The following SEMA6D variants were observed in gnomAD, a reference collection of about 807,000 sequenced individuals.
SEMA6D encodes semaphorin 6D.
SEMA6D carries 35 observed loss-of-function variants against 106.6 expected under a neutral mutation model. The observed-to-expected ratio is 0.33, with a 90% confidence interval of 0.25 to 0.44. The LOEUF is 0.44. Ranked by LOEUF, SEMA6D falls within the 20% of genes least tolerant of loss-of-function variation. SEMA6D has a pLI of 1.00. For synonymous variants in SEMA6D, 499 were observed against 487.7 expected (o/e 1.02, Z -0.31); for missense variants, 1,185 against 1,345.9 (o/e 0.88, Z 1.87).
intron 3 of SEMA6D, among the ~76,000 whole-genome samples, chr15:47,472,960 A>G (rs2042895991): frequency 6.6e-6 from 1 of 152,206 alleles, no homozygotes; most frequent in Non-Finnish European, 1.5e-5. Context: ...GACAGTGCCA[A>G]TGTTTTGTGT....
chr15:47,491,675 A>G (rs922008121), intron 3 of SEMA6D, among the ~76,000 whole-genome samples: 10 of 152,166 alleles, frequency 6.6e-5, no homozygotes, highest in Non-Finnish European at 1.5e-4. Flanking sequence ...AAAGAGAGCT[A>G]TGCATATAAC....
At chr15:47,627,685 G>C (rs762334999) in intron 4 of SEMA6D, among the ~76,000 whole-genome samples, 7 of 152,028 alleles carry the variant, frequency 4.6e-5, no homozygotes, top group Non-Finnish European at 8.8e-5. Context: ...ATAGTGTAGA[G>C]ATATCTCCTG....
intron 1 of SEMA6D, among the ~76,000 whole-genome samples, chr15:47,251,992 T>C (rs2033542889): frequency 7.3e-6 from 1 of 136,086 alleles, no homozygotes; most frequent in Non-Finnish European, 1.5e-5. Flanking sequence ...CTCGGCTCAC[T>C]GCAAGCTCCG....
chr15:47,655,335 C>T (rs890067880), intron 4 of SEMA6D, among the ~76,000 whole-genome samples: 1 of 152,188 alleles, frequency 6.6e-6, no homozygotes, highest in Non-Finnish European at 1.5e-5. Flanking sequence ...TTTTTAACTT[C>T]CCAGGGATTT....
intron 3 of SEMA6D, among the ~76,000 whole-genome samples, chr15:47,475,927 C>T (rs1596095946): frequency 6.6e-6 from 1 of 152,132 alleles, no homozygotes; most frequent in African/African-American, 2.4e-5. Flanking sequence ...GAGCAATTTC[C>T]TTGAGTTGTC....
At chr15:47,667,073 C>T (rs770109136) in intron 4 of SEMA6D, among the ~76,000 whole-genome samples, 41 of 152,172 alleles carry the variant, frequency 2.7e-4, no homozygotes, top group Non-Finnish European at 5.0e-4. Flanking sequence ...CCAACCCATT[C>T]CGTCAGCCTC....
intron 1 of SEMA6D, among the ~76,000 whole-genome samples, chr15:47,217,512 G>A (rs114398472): frequency 6.6e-6 from 1 of 151,862 alleles, no homozygotes; most frequent in Non-Finnish European, 1.5e-5. Flanking sequence ...TGTTGGTGCT[G>A]ATGTAGAAAG....
At chr15:47,552,904 A>ATT (rs2045797505) in intron 3 of SEMA6D, among the ~76,000 whole-genome samples, 3 of 36,004 alleles carry the variant, frequency 8.3e-5, no homozygotes, top group East Asian at 6.8e-4. Flanking sequence ...ATATATATAT[A>ATT]TAAATATATA....
At chr15:47,472,558 A>G (rs2042883562) in intron 3 of SEMA6D, among the ~76,000 whole-genome samples, 1 of 152,210 alleles carries the variant, frequency 6.6e-6, no homozygotes, top group African/African-American at 2.4e-5. Flanking sequence ...GAGAACTGGT[A>G]TCAAATCTTG....
chr15:47,627,546 C>T (rs866364398), intron 4 of SEMA6D, among the ~76,000 whole-genome samples: 5 of 151,990 alleles, frequency 3.3e-5, no homozygotes, highest in Non-Finnish European at 7.4e-5. Flanking sequence ...TGCTATAGTA[C>T]GTGAAAAGCA....
At chr15:47,481,037 G>T (rs577165740) in intron 3 of SEMA6D, among the ~76,000 whole-genome samples, 2 of 152,186 alleles carry the variant, frequency 1.3e-5, no homozygotes, top group South Asian at 4.2e-4. Context: ...TCCACTATTA[G>T]ATTAAAAGCA....
chr15:47,559,443 C>G (rs1034961603), intron 3 of SEMA6D, among the ~76,000 whole-genome samples: 1 of 152,120 alleles, frequency 6.6e-6, no homozygotes, highest in African/African-American at 2.4e-5. Context: ...GCTCCCATCT[C>G]CCTCTCAGCT....
intron 1 of SEMA6D, among the ~76,000 whole-genome samples, chr15:47,332,732 C>T (rs2037391634): frequency 6.6e-6 from 1 of 152,136 alleles, no homozygotes; most frequent in Non-Finnish European, 1.5e-5. Context: ...GCCTTATCTG[C>T]CAGATTAGCC....
At chr15:47,569,325 C>G (rs1290173738) in intron 3 of SEMA6D, among the ~76,000 whole-genome samples, 2 of 152,198 alleles carry the variant, frequency 1.3e-5, no homozygotes, top group Non-Finnish European at 2.9e-5. Flanking sequence ...GCCCTGCCCT[C>G]TGTCCTCTAG....
At chr15:47,622,795 C>A (rs1458555026) in intron 4 of SEMA6D, among the ~76,000 whole-genome samples, 2 of 152,092 alleles carry the variant, frequency 1.3e-5, no homozygotes, top group African/African-American at 4.8e-5. Flanking sequence ...CTTTCAAAGG[C>A]GTGCAGGGGT....
intron 18 of SEMA6D, among the ~76,000 whole-genome samples, 177 bp from the exon 19 acceptor site, chr15:47,770,320 C>G (rs2082562835): frequency 6.6e-6 from 1 of 152,106 alleles, no homozygotes; most frequent in African/African-American, 2.4e-5. Context: ...CTGTATGTCT[C>G]TGGGGATCCT....
intron 4 of SEMA6D, among the ~76,000 whole-genome samples, chr15:47,624,569 T>C (rs1011312390): frequency 6.6e-6 from 1 of 152,158 alleles, no homozygotes; most frequent in Non-Finnish European, 1.5e-5. Flanking sequence ...TCAACAAAGC[T>C]GAAATGTAAT....
intron 1 of SEMA6D, among the ~76,000 whole-genome samples, chr15:47,214,366 A>C (rs1319400364): frequency 6.6e-6 from 1 of 152,154 alleles, no homozygotes; most frequent in East Asian, 1.9e-4. Flanking sequence ...ACAGTCTGGA[A>C]GGCTTCACAA....
intron 3 of SEMA6D, among the ~76,000 whole-genome samples, chr15:47,536,185 C>T (rs990008602): frequency 6.6e-6 from 1 of 152,122 alleles, no homozygotes; most frequent in Non-Finnish European, 1.5e-5. Flanking sequence ...TTATGTAGAA[C>T]TCTTCTACAT....
Sources: allele counts gnomAD v4.1 joint callset (sites outside exome capture counted in the v4.1 genomes callset), GRCh38; gene constraint gnomAD v4.1.1; transcripts MANE v1.5; gene names NCBI Gene and HGNC (gene_info 2026-07-23, HGNC 2026-07-21).